The following RAB22A variants were observed in gnomAD, a reference collection of about 807,000 sequenced individuals.
RAB22A encodes the protein ras-related protein Rab-22A.
In RAB22A, 13 loss-of-function variants were observed where a neutral mutation model predicts 30.2. The observed-to-expected ratio is 0.43, with a 90% CI of 0.28 to 0.68. RAB22A has a LOEUF of 0.68. Among genes scored for constraint, RAB22A ranks in the 30% least tolerant of loss-of-function variants. RAB22A has a pLI of 0.18. For missense variants in RAB22A, 177 were observed against 246.8 expected (o/e 0.72, Z 1.89); for synonymous variants, 89 against 87.2 (o/e 1.02, Z -0.11).
At chr20:58,343,946 GCCTTTGCCTTTT>G in intron 3 of RAB22A, 147 bp downstream of exon 3, 1 of 694,938 alleles carries the variant, frequency 1.4e-6, no homozygotes, top group Non-Finnish European at 2.4e-6. Flanking sequence ...GCCAGCCTTT[GCCTTTGCCTTTT>G]CAATTAGAGC....
At chr20:58,313,253 A>G (rs1986267122) in intron 2 of RAB22A, among the ~76,000 whole-genome samples, 1 of 152,198 alleles carries the variant, frequency 6.6e-6, no homozygotes, top group Admixed American at 6.5e-5. Flanking sequence ...CACTCTCTGC[A>G]CCAGGAGATT....
intron 3 of RAB22A, among the ~76,000 whole-genome samples, chr20:58,352,886 T>C (rs1453474210): frequency 6.6e-6 from 1 of 152,262 alleles, no homozygotes; most frequent in African/African-American, 2.4e-5. Flanking sequence ...ATGCAGCTAC[T>C]TCTCTGGAGA....
intron 6 of RAB22A, among the ~76,000 whole-genome samples, chr20:58,356,593 T>C (rs1987132942): frequency 6.6e-6 from 1 of 152,230 alleles, no homozygotes; most frequent in Non-Finnish European, 1.5e-5. Context: ...ACAAACTGAA[T>C]ATACTCCGGT....
Position 58,362,617 on chromosome 20 carries a change from T to G in RAB22A, c.*2914T>G, listed in dbSNP as rs1444821206. The G allele has an allele frequency of 6.6e-6, 1 of 152,204 alleles. No individual in the cohort carries two copies. The highest frequency in any genetic ancestry group is 1.5e-5 in the Non-Finnish European group (1 of 68,038). The allele number at this position is 152,204 out of a possible 1,614,324, so 9.4% of individuals were successfully genotyped here. A position where few individuals can be genotyped will look rare whatever the true frequency, so the allele number is the denominator to read the frequency against. ...GTCTCCAGAACTCTCACACAAGTGT[T>G]TTTCTGATTCTATGATAACTAATTA... On this transcript the variant is annotated 3_prime_UTR_variant, in exon 7 of 7. Transcript: ENST00000244040.
chr20:58,312,016 C>T (rs1198496478), intron 2 of RAB22A, among the ~76,000 whole-genome samples: 4 of 152,154 alleles, frequency 2.6e-5, no homozygotes, highest in African/African-American at 9.7e-5. Context: ...GGTGCAATGG[C>T]GCAATCTTGG....
rs1987298648 is a variant in RAB22A, at chr20:58,365,435, A to G, written c.*5732A>G. 2 of 152,150 alleles carry G rather than the reference A, an allele frequency of 1.3e-5. No homozygotes were observed. The highest frequency in any genetic ancestry group is 6.5e-5 in the Admixed American group (1 of 15,278). 9.4% of individuals were successfully genotyped at this position (152,150 alleles called of 1,614,324 possible). A position where few individuals can be genotyped will look rare whatever the true frequency, so the allele number is the denominator to read the frequency against. ...TTAATCCTAGTATCATTTGGCCATT[A>G]ATTTTTAATTAAGTTTATACTTGAA... On this transcript the variant is annotated 3_prime_UTR_variant, in exon 7 of 7. Coordinates refer to ENST00000244040, the MANE Select transcript of RAB22A (RefSeq NM_020673.3).
intron 6 of RAB22A, among the ~76,000 whole-genome samples, chr20:58,359,352 A>G (rs1005628181): frequency 2.6e-5 from 4 of 152,170 alleles, no homozygotes; most frequent in Non-Finnish European, 5.9e-5. Flanking sequence ...TGATGTGGCA[A>G]TGTTGAACTC....
intron 2 of RAB22A, among the ~76,000 whole-genome samples, chr20:58,314,143 T>C (rs1329080521): frequency 2.0e-5 from 3 of 151,588 alleles, no homozygotes; most frequent in African/African-American, 7.3e-5. Context: ...CTGCCTCCCA[T>C]GTTGAAGCGA....
intron 3 of RAB22A, among the ~76,000 whole-genome samples, chr20:58,350,135 A>G (rs1030461261): frequency 3.9e-5 from 6 of 152,172 alleles, no homozygotes; most frequent in African/African-American, 1.4e-4. Flanking sequence ...ACTTAACTGC[A>G]AATGGGGAAT....
intron 2 of RAB22A, among the ~76,000 whole-genome samples, chr20:58,331,166 T>C (rs1295074593): frequency 2.0e-5 from 3 of 152,184 alleles, no homozygotes; most frequent in African/African-American, 7.2e-5. Context: ...TATTTACTGT[T>C]TCCTCTTTTT....
At position 58,364,503 on chromosome 20, in the gene RAB22A, G is replaced by A. The variant is rs1455009186; in HGVS notation, c.*4800G>A. 1 of 152,134 alleles carries A rather than the reference G, an allele frequency of 6.6e-6. No homozygotes were observed. Among genetic ancestry groups the A allele is most frequent in the African/African-American group, 2.4e-5 (1 of 41,426 alleles). 9.4% of individuals were successfully genotyped at this position (152,134 alleles called of 1,614,324 possible). On this transcript the variant is annotated 3_prime_UTR_variant, in exon 7 of 7. Coordinates refer to ENST00000244040, the MANE Select transcript of RAB22A (RefSeq NM_020673.3). ...TTTATTACGTTGAACATTTTAGATA[G>A]TAAGATTAAGATGTATCATTAGTAT...
intron 3 of RAB22A, among the ~76,000 whole-genome samples, chr20:58,350,805 A>G (rs1468332777): frequency 6.6e-6 from 1 of 152,248 alleles, no homozygotes; most frequent in African/African-American, 2.4e-5. Context: ...TCAGATCCAT[A>G]GGAAGAAATA....
At chr20:58,317,087 G>A (rs1304803887) in intron 2 of RAB22A, among the ~76,000 whole-genome samples, 1 of 152,052 alleles carries the variant, frequency 6.6e-6, no homozygotes, top group Non-Finnish European at 1.5e-5. Flanking sequence ...TTAACCCTGG[G>A]CAGTTTATTT....
rs972389545 is a variant in RAB22A, at chr20:58,309,776, G to A, written c.-201G>A. On this transcript the variant is annotated 5_prime_UTR_variant, in exon 1 of 7. Coordinates refer to ENST00000244040, the MANE Select transcript of RAB22A (RefSeq NM_020673.3). ...GCGGCTCCCGGAAGGCCGCGGCGGC[G>A]TCCCGGCTGCTAAGGCGGGCCCCAC... is the stretch of plus-strand genomic sequence containing the variant. The A allele has an allele frequency of 2.7e-6, 1 of 364,992 alleles. No homozygotes were observed. Among genetic ancestry groups the A allele is most frequent in the Non-Finnish European group, 4.6e-6 (1 of 217,360 alleles). 22.6% of individuals were successfully genotyped at this position (364,992 alleles called of 1,614,324 possible).
At chr20:58,330,918 G>A (rs140470247) in intron 2 of RAB22A, among the ~76,000 whole-genome samples, 2 of 152,248 alleles carry the variant, frequency 1.3e-5, no homozygotes, top group African/African-American at 4.8e-5. Context: ...ATCAGCTGTG[G>A]CTCTGAGAGG....
intron 2 of RAB22A, among the ~76,000 whole-genome samples, chr20:58,319,352 C>T (rs978050189): frequency 1.2e-4 from 18 of 152,258 alleles, no homozygotes; most frequent in Admixed American, 5.9e-4. Flanking sequence ...CACCTTGGCA[C>T]CTATGAGTTT....
At chr20:58,315,411 T>G (rs776252248) in intron 2 of RAB22A, among the ~76,000 whole-genome samples, 2 of 152,190 alleles carry the variant, frequency 1.3e-5, no homozygotes, top group Non-Finnish European at 2.9e-5. Flanking sequence ...ACACGGTATC[T>G]GTGTTCTTCC....
intron 1 of RAB22A, among the ~76,000 whole-genome samples, chr20:58,310,535 A>G (rs984000756): frequency 1.3e-5 from 2 of 152,180 alleles, no homozygotes; most frequent in African/African-American, 4.8e-5. Flanking sequence ...GGAAGCCCCA[A>G]AGACTAGTTT....
chr20:58,355,368 T>G (rs1236366023), intron 6 of RAB22A, among the ~76,000 whole-genome samples: 3 of 152,132 alleles, frequency 2.0e-5, no homozygotes, highest in Admixed American at 6.5e-5. Context: ...GAGGTTGTTT[T>G]CACATTTTTT....
Sources: allele counts gnomAD v4.1 joint callset (sites outside exome capture counted in the v4.1 genomes callset), GRCh38; gene constraint gnomAD v4.1.1; transcripts MANE v1.5; gene names NCBI Gene and HGNC (gene_info 2026-07-23, HGNC 2026-07-21).